POLK: variants seen among roughly 807,000 people sequenced by gnomAD.
The protein encoded by POLK is polymerase (DNA directed) kappa.
A neutral mutation model predicts 94.0 loss-of-function variants in POLK; 76 were observed. That is an observed-to-expected ratio of 0.81 (90% CI 0.67 to 0.98). The LOEUF (loss-of-function observed/expected upper bound fraction) is 0.98. Among genes scored for constraint, POLK ranks in the 50% least tolerant of loss-of-function variants. The pLI, the probability that POLK is intolerant of heterozygous loss-of-function variation, is 0.00. For missense variants in POLK, 954 were observed against 1,010.1 expected (o/e 0.94, Z 0.75); for synonymous variants, 349 against 325.4 (o/e 1.07, Z -0.78).
chr5:75,597,225 A>G (rs1238422361), intron 13 of POLK, 47 bp downstream of exon 13: 5 of 911,832 alleles, frequency 5.5e-6, no homozygotes, highest in Middle Eastern at 2.4e-4. Flanking sequence ...AGGAATATGT[A>G]TTATTAAAAT....
In POLK at chr5:75,539,824, T is replaced by G. The variant is rs375949637; in HGVS notation, c.-13-7186T>G. Among the ~76,000 whole-genome samples, 49 of 152,354 alleles carry G rather than the reference T, an allele frequency of 3.2e-4. No homozygotes were observed. In the Middle Eastern group the frequency reaches 0.014, roughly 42 times the overall value. On this transcript the variant is annotated intron_variant, in intron 1 of 14. Coordinates refer to ENST00000241436, the Ensembl canonical transcript of POLK. Reference sequence around the variant, plus strand: ...GAAGTTTACTATGAGCTTTCCCCTTTTTGTAGGTTACCCATTTATTCTTTT... The same window carrying G: ...GAAGTTTACTATGAGCTTTCCCCTTGTTGTAGGTTACCCATTTATTCTTTT...
intron 1 of POLK, among the ~76,000 whole-genome samples, chr5:75,528,474 A>G (rs1299488553): frequency 6.6e-6 from 1 of 152,076 alleles, no homozygotes; most frequent in Non-Finnish European, 1.5e-5. Context: ...TTTTTGTAGC[A>G]AGCATGAACT....
rs1043441077 is a variant in POLK, at chr5:75,590,265, A to G, written c.1260-79A>G. ...AGAAAAATATAACTTAATGCTAGCC[A>G]TATAAACATGCATACCATTTCCAAA... On this transcript the variant is annotated intron_variant, in intron 10 of 14. Transcript: ENST00000241436. The G allele has an allele frequency of 1.2e-5, 8 of 653,394 alleles. No homozygotes were observed. In the East Asian group the frequency reaches 1.3e-4, roughly 10 times the overall value. 40.5% of individuals were successfully genotyped at this position (653,394 alleles called of 1,614,324 possible).
exon 3 of POLK, chr5:75,552,580 G>A (rs761361731): frequency 1.9e-6 from 3 of 1,607,886 alleles, no homozygotes; most frequent in Middle Eastern, 1.7e-4. Context: ...GCTAAGAAAA[G>A]CACAATTACA....
At chr5:75,596,812 A>G (rs752460725) in exon 13 of POLK, 3 of 1,610,202 alleles carry the variant, frequency 1.9e-6, no homozygotes, top group African/African-American at 1.3e-5. Context: ...AGTAGATACT[A>G]TAGATAACTC....
chr5:75,550,733 C>T (rs1336891277), intron 2 of POLK, among the ~76,000 whole-genome samples: 1 of 152,086 alleles, frequency 6.6e-6, no homozygotes, highest in Non-Finnish European at 1.5e-5. Flanking sequence ...AAGCTCTTAA[C>T]AGACTTGAAA....
At chr5:75,595,307 A>G (rs943958267) in intron 12 of POLK, among the ~76,000 whole-genome samples, 3 of 151,056 alleles carry the variant, frequency 2.0e-5, no homozygotes, top group Non-Finnish European at 4.4e-5. Context: ...AGCTTAATTC[A>G]TAATTGCCAA....
At position 75,593,032 on chromosome 5, in the gene POLK, G is replaced by A. The variant is rs547087210; in HGVS notation, c.1357-846G>A. ...GATCATGCCACTGTACTCCAGCCTG[G>A]GCAATAGAATGGGACCCCCATCTCA... On this transcript the variant is annotated intron_variant, in intron 11 of 14. Coordinates refer to ENST00000241436, the Ensembl canonical transcript of POLK. 6.6e-5 allele frequency among the ~76,000 whole-genome samples: 10 copies of A among 152,228 alleles called. No individual in the cohort carries two copies. The South Asian group carries it at 1.7e-3, about 25-fold the overall frequency.
rs140423988 is a variant in POLK at position 75,581,417 on chromosome 5, T to C, written c.903T>C (p.Ile301=). 20 of 1,613,612 alleles carry C rather than the reference T, an allele frequency of 1.2e-5. No individual in the cohort carries two copies. In the African/African-American group the frequency reaches 2.7e-4, roughly 22 times the overall value. Residue 301 remains isoleucine (I), a synonymous_variant, in exon 7 of 15, where the codon ATT becomes ATC. Transcript: ENST00000241436. ...TGGTAAAGGAAATTCGTTTCAGAAT[T>C]GAGCAGAAAACAACACTGACAGCCA...
At chr5:75,606,049 G>A (rs1319962354), downstream of POLK, among the ~76,000 whole-genome samples, 1 of 119,842 alleles carries the variant, frequency 8.3e-6, no homozygotes, top group Non-Finnish European at 1.7e-5. Context: ...GATGTGTCAG[G>A]GTCACAAGAC....
At chr5:75,573,064 A>G (rs1009595179) in intron 4 of POLK, among the ~76,000 whole-genome samples, 1 of 152,104 alleles carries the variant, frequency 6.6e-6, no homozygotes, top group South Asian at 2.1e-4. Context: ...ACATGCACAC[A>G]TATGTTTATT....
intron 7 of POLK, 63 bp downstream of exon 7, chr5:75,581,511 A>C (rs1772192375): frequency 3.0e-6 from 4 of 1,345,130 alleles, no homozygotes; most frequent in South Asian, 1.3e-5. Flanking sequence ...ATTTAAGTGT[A>C]ATATTAGTAG....
At chr5:75,524,971 T>G (rs1057052790) in intron 1 of POLK, among the ~76,000 whole-genome samples, 30 of 152,358 alleles carry the variant, frequency 2.0e-4, no homozygotes, top group African/African-American at 7.0e-4. Context: ...CAATCTGAAC[T>G]GAGATCTGAG....
exon 15 of POLK, chr5:75,600,381 A>AG (rs1773270857): frequency 6.6e-6 from 1 of 152,174 alleles, no homozygotes; most frequent in South Asian, 2.1e-4. Context: ...CTGTGGAAAA[A>AG]TTTGTCCCTC....
At chr5:75,569,272 A>G in intron 3 of POLK, 68 bp from the exon 4 acceptor site, 1 of 1,022,984 alleles carries the variant, frequency 9.8e-7, no homozygotes, top group Non-Finnish European at 1.4e-6. Flanking sequence ...ATTAAGATTA[A>G]TGTTGTGGTT....
Position 75,560,490 on chromosome 5 carries a change from C to T in POLK, c.255+7899C>T, listed in dbSNP as rs567994014. Among the ~76,000 whole-genome samples, 12 of 152,098 alleles carry T rather than the reference C, an allele frequency of 7.9e-5. No homozygotes were observed. The South Asian group carries it at 1.2e-3, about 16-fold the overall frequency. On this transcript the variant is annotated intron_variant, in intron 3 of 14. Coordinates refer to ENST00000241436, the Ensembl canonical transcript of POLK. Reference sequence around the variant, plus strand: ...GCAGTGCTAGGACCCGAACCAAAGCCGTTATTCTATTTTTTGTTTCTTTAA... The same window carrying T: ...GCAGTGCTAGGACCCGAACCAAAGCTGTTATTCTATTTTTTGTTTCTTTAA...
exon 13 of POLK, chr5:75,596,914 T>C (rs1310342562): frequency 6.2e-7 from 1 of 1,613,552 alleles, no homozygotes; most frequent in South Asian, 1.1e-5. Flanking sequence ...TATTGAACAC[T>C]GTCATCAGAA....
chr5:75,581,379 T>G, exon 7 of POLK: 1 of 1,613,526 alleles, frequency 6.2e-7, no homozygotes, highest in East Asian at 2.2e-5. Flanking sequence ...TTTTGGAACA[T>G]CAGCCCAGGA....
chr5:75,586,876 G>A (rs1772498896), intron 9 of POLK, 150 bp from the exon 10 acceptor site: 5 of 571,788 alleles, frequency 8.7e-6, no homozygotes, highest in Middle Eastern at 4.3e-4. Flanking sequence ...TTGGTGATTT[G>A]TTTTTAGATA....
Sources: allele counts gnomAD v4.1 joint callset (sites outside exome capture counted in the v4.1 genomes callset), GRCh38; gene constraint gnomAD v4.1.1; transcripts MANE v1.5; gene names NCBI Gene and HGNC (gene_info 2026-07-23, HGNC 2026-07-21).